The following DLG2 variants were observed in gnomAD, a reference collection of about 807,000 sequenced individuals.
DLG2 encodes disks large homolog 2.
A neutral mutation model predicts 132.5 loss-of-function variants in DLG2; 45 were observed. The ratio of observed to expected loss-of-function variants is 0.34; its 90% CI spans 0.27 to 0.44. DLG2 has a LOEUF of 0.44. DLG2 is among the 20% of genes least tolerant of loss of function. DLG2 has a pLI of 1.00. For synonymous variants in DLG2, 424 were observed against 419.6 expected, an observed-to-expected ratio of 1.01 and a Z score of -0.13; for missense variants, 1,045 against 1,196.9, an observed-to-expected ratio of 0.87 and a Z score of 1.87.
chr11:83,698,435 C>A (rs1192382943), intron 18 of DLG2, among the ~76,000 whole-genome samples: 2 of 152,138 alleles, frequency 1.3e-5, no homozygotes, highest in Non-Finnish European at 2.9e-5. Context: ...TGAACCTGAA[C>A]TGTATGTACA....
chr11:84,230,933 A>G (rs2097083752), intron 8 of DLG2, among the ~76,000 whole-genome samples: 1 of 152,334 alleles, frequency 6.6e-6, no homozygotes, highest in South Asian at 2.1e-4. Flanking sequence ...TTCATGAAGG[A>G]TACTAATAAT....
chr11:83,885,494 G>A (rs1249344213), intron 15 of DLG2, among the ~76,000 whole-genome samples: 1 of 152,202 alleles, frequency 6.6e-6, no homozygotes. Context: ...AAAGTGACGA[G>A]GAGAATGGAA....
At chr11:84,953,314 C>A (rs963367006) in intron 6 of DLG2, among the ~76,000 whole-genome samples, 2 of 152,156 alleles carry the variant, frequency 1.3e-5, no homozygotes, top group African/African-American at 4.8e-5. Context: ...CACAATGACA[C>A]AGTCAAGTCT....
intron 3 of DLG2, among the ~76,000 whole-genome samples, chr11:85,416,272 G>A (rs1195984711): frequency 6.6e-6 from 1 of 151,856 alleles, no homozygotes; most frequent in Admixed American, 6.6e-5. Flanking sequence ...CATTATTTCT[G>A]AGGCTTCTGT....
At chr11:84,130,468 C>T (rs1418816114) in intron 9 of DLG2, among the ~76,000 whole-genome samples, 1 of 138,174 alleles carries the variant, frequency 7.2e-6, no homozygotes, top group Non-Finnish European at 1.6e-5. Flanking sequence ...AATTATCAAA[C>T]ATCAAACATG....
intron 19 of DLG2, among the ~76,000 whole-genome samples, chr11:83,566,738 T>TGC (rs2096715958): frequency 6.6e-6 from 1 of 150,434 alleles, no homozygotes; most frequent in Admixed American, 6.6e-5. Context: ...TGTGTGTGTG[T>TGC]GTGTGTGTGT....
chr11:84,764,247 C>G (rs147461656), intron 6 of DLG2, among the ~76,000 whole-genome samples: 3 of 152,132 alleles, frequency 2.0e-5, no homozygotes, highest in Non-Finnish European at 4.4e-5. Context: ...TGTCCCAGTG[C>G]TATACCCTAC....
intron 6 of DLG2, among the ~76,000 whole-genome samples, chr11:84,656,248 C>T (rs2099688080): frequency 6.6e-6 from 1 of 152,094 alleles, no homozygotes; most frequent in South Asian, 2.1e-4. Context: ...ATGTGTATAA[C>T]CAGTCCAATC....
intron 11 of DLG2, among the ~76,000 whole-genome samples, chr11:84,006,082 T>C (rs1043121259): frequency 5.9e-5 from 9 of 151,732 alleles, no homozygotes; most frequent in Admixed American, 3.9e-4. Flanking sequence ...AATCTAAGTA[T>C]CCATCAATGA....
chr11:84,110,670 C>T (rs1325302452), intron 9 of DLG2, among the ~76,000 whole-genome samples: 1 of 152,126 alleles, frequency 6.6e-6, no homozygotes, highest in African/African-American at 2.4e-5. Flanking sequence ...AGAGAAAAGG[C>T]CCCACCTGAG....
chr11:84,579,557 A>G (rs1329199335), intron 6 of DLG2, among the ~76,000 whole-genome samples: 2 of 152,234 alleles, frequency 1.3e-5, no homozygotes, highest in Non-Finnish European at 2.9e-5. Context: ...ATGAGAAAGA[A>G]TGACCCGTGT....
chr11:84,027,070 C>T (rs1310081944), intron 11 of DLG2, among the ~76,000 whole-genome samples: 1 of 151,944 alleles, frequency 6.6e-6, no homozygotes, highest in Non-Finnish European at 1.5e-5. Context: ...GGAGGTTCCC[C>T]AGCTACAGGG....
intron 16 of DLG2, among the ~76,000 whole-genome samples, chr11:83,853,307 T>A (rs1462584411): frequency 2.0e-5 from 3 of 152,156 alleles, no homozygotes; most frequent in Non-Finnish European, 4.4e-5. Flanking sequence ...ACATTTGGTC[T>A]CCTCAGCTCT....
intron 18 of DLG2, among the ~76,000 whole-genome samples, chr11:83,709,266 T>C (rs2084806113): frequency 6.7e-6 from 1 of 149,718 alleles, no homozygotes; most frequent in Admixed American, 6.7e-5. Context: ...TGTGTATATA[T>C]GTATGTATAT....
intron 18 of DLG2, chr11:83,682,514 C>A: frequency 3.3e-6 from 3 of 903,248 alleles, no homozygotes; most frequent in Non-Finnish European, 4.0e-6. Flanking sequence ...GTAGTGTACC[C>A]CCATCCTCTG....
At chr11:84,663,026 C>T (rs2154548203) in intron 6 of DLG2, among the ~76,000 whole-genome samples, 1 of 152,044 alleles carries the variant, frequency 6.6e-6, no homozygotes, top group East Asian at 1.9e-4. Flanking sequence ...GCCAACAAGA[C>T]CACTTTAAGA....
chr11:84,432,113 T>G (rs897161645), intron 7 of DLG2, among the ~76,000 whole-genome samples: 4 of 152,164 alleles, frequency 2.6e-5, no homozygotes, highest in African/African-American at 9.7e-5. Context: ...TGGGAGCTGA[T>G]GATAGATCCA....
chr11:85,485,288 C>T (rs1299833028), intron 3 of DLG2, among the ~76,000 whole-genome samples: 1 of 152,062 alleles, frequency 6.6e-6, no homozygotes, highest in South Asian at 2.1e-4. Flanking sequence ...ACCAGCATGG[C>T]ACATGTATAC....
intron 16 of DLG2, among the ~76,000 whole-genome samples, chr11:83,862,135 G>A (rs1383899881): frequency 6.6e-6 from 1 of 152,154 alleles, no homozygotes; most frequent in Non-Finnish European, 1.5e-5. Flanking sequence ...AGATATCTGT[G>A]CTCCCATGGT....
Sources: allele counts gnomAD v4.1 joint callset (sites outside exome capture counted in the v4.1 genomes callset), GRCh38; gene constraint gnomAD v4.1.1; transcripts MANE v1.5; gene names NCBI Gene and HGNC (gene_info 2026-07-23, HGNC 2026-07-21).